Variants in CPB2 observed in about 807,000 individuals in gnomAD.
The protein encoded by CPB2 is carboxypeptidase B-like protein.
CPB2 carries 54 observed loss-of-function variants against 57.0 expected under a neutral mutation model. That is an observed-to-expected ratio of 0.95 (90% confidence interval 0.76 to 1.19). CPB2 has a LOEUF of 1.19. Among genes scored for constraint, CPB2 ranks in the 50% most tolerant of loss-of-function variants. The pLI is 0.00. For missense variants in CPB2, 426 were observed against 512.0 expected, an observed-to-expected ratio of 0.83 and a Z score of 1.62; for synonymous variants, 189 against 178.1, an observed-to-expected ratio of 1.06 and a Z score of -0.49.
Position 46,053,670 on chromosome 13 carries a change from T to A in CPB2, c.1216A>T (p.Arg406Ter), listed in dbSNP as rs1225402924. 2 of 1,614,092 alleles carry A rather than the reference T, an allele frequency of 1.2e-6. No individual in the cohort carries two copies. ...LPERYIKPTC[R>*]EAFAAVSKIA... ...TTAGAGACAGCGGCAAAAGCTTCTC[T>A]ACAGGTGGGTTTGATGTAACGCTCC... The change falls in exon 11 of 11, where the codon AGA becomes TGA. Residue 406 changes from arginine to a stop codon, truncating the protein, a stop_gained. Transcript: ENST00000181383. LOFTEE classifies it high-confidence loss of function.
chr13:46,091,582 A>G (rs745858814), intron 1 of CPB2, among the ~76,000 whole-genome samples: 22 of 152,220 alleles, frequency 1.4e-4, no homozygotes, highest in Admixed American at 1.3e-3. Flanking sequence ...AATGCTTTCT[A>G]TAAGATGAGC....
chr13:46,095,956 A>C lies in CPB2; in HGVS notation c.75-8136T>G, dbSNP rs1199979935. Among the ~76,000 whole-genome samples, 10 of 139,888 alleles carry C rather than the reference A, an allele frequency of 7.1e-5. No homozygotes were observed. The Admixed American group carries it at 7.3e-4, about 10-fold the overall frequency. 91.8% of individuals were successfully genotyped at this position (139,888 alleles called of 152,430 possible). A position where few individuals can be genotyped will look rare whatever the true frequency, so the allele number is the denominator to read the frequency against. On this transcript the variant is annotated intron_variant, in intron 1 of 10. Transcript: ENST00000181383. The stretch of plus-strand genomic sequence containing the variant: ...GAGTGCAATGGAGCAATCTTGGCTC[A>C]CTACAATTCTGCCTCGTGGGTTCAA...
At chr13:46,070,002 C>A (rs974307301) in intron 6 of CPB2, among the ~76,000 whole-genome samples, 1 of 152,170 alleles carries the variant, frequency 6.6e-6, no homozygotes. Context: ...TAACTGAAAT[C>A]CTGTCCTACT....
intron 8 of CPB2, among the ~76,000 whole-genome samples, chr13:46,059,061 T>A (rs1126365): frequency 0.79 from 119,859 of 152,206 alleles, 47,547 homozygotes; most frequent in African/African-American, 0.87. Context: ...GGCTCAGGAT[T>A]GGGTCTGACT....
At chr13:46,059,045 G>A (rs1379032058) in intron 8 of CPB2, among the ~76,000 whole-genome samples, 1 of 152,206 alleles carries the variant, frequency 6.6e-6, no homozygotes, top group African/African-American at 2.4e-5. Flanking sequence ...CCTGCAAACA[G>A]TTGAGGGCTC....
chr13:46,064,095 T>TA (rs765592639), intron 8 of CPB2, among the ~76,000 whole-genome samples: 138 of 151,338 alleles, frequency 9.1e-4, no homozygotes, highest in Middle Eastern at 6.8e-3. Context: ...CCATCTGTAC[T>TA]AAAAAAAATA....
At chr13:46,084,830 A>T (rs2045175483) in intron 2 of CPB2, among the ~76,000 whole-genome samples, 1 of 150,332 alleles carries the variant, frequency 6.7e-6, no homozygotes, top group Non-Finnish European at 1.5e-5. Context: ...TGTGCTTTTT[A>T]TTTATTTATT....
chr13:46,062,517 A>G (rs4942470), intron 8 of CPB2, among the ~76,000 whole-genome samples: 121,287 of 152,140 alleles, frequency 0.8, 48,676 homozygotes, highest in African/African-American at 0.88. Context: ...TATTAGTGCC[A>G]CAGCAAACTT....
At chr13:46,069,426 A>G (rs7993537) in intron 6 of CPB2, among the ~76,000 whole-genome samples, 52,251 of 152,014 alleles carry the variant, frequency 0.34, 9,213 homozygotes, top group African/African-American at 0.39. Flanking sequence ...ACCATCACTA[A>G]TATCTGATTT....
chr13:46,080,447 A>G (rs1040203436), intron 4 of CPB2, among the ~76,000 whole-genome samples: 1 of 152,224 alleles, frequency 6.6e-6, no homozygotes, highest in Non-Finnish European at 1.5e-5. Context: ...ATTTTCTATA[A>G]TGTCATAGTT....
At chr13:46,084,840 T>A (rs2045175648) in intron 2 of CPB2, among the ~76,000 whole-genome samples, 2 of 151,224 alleles carry the variant, frequency 1.3e-5, no homozygotes, top group East Asian at 3.9e-4. Context: ...ATTTATTTAT[T>A]TATTTATTTT....
chr13:46,082,906 A>G (rs897068740), intron 3 of CPB2, among the ~76,000 whole-genome samples: 1 of 151,666 alleles, frequency 6.6e-6, no homozygotes, highest in African/African-American at 2.4e-5. Context: ...CTAACACTGT[A>G]TTATGCTGTT....
At chr13:46,053,862 T>C (rs1160937300) in intron 10 of CPB2, 64 bp from the exon 11 acceptor site, 1 of 1,482,778 alleles carries the variant, frequency 6.7e-7, no homozygotes, top group African/African-American at 1.4e-5. Flanking sequence ...AAACTGGGAA[T>C]TGTTTGATTT....
At chr13:46,083,197 C>T (rs189471684) in intron 3 of CPB2, among the ~76,000 whole-genome samples, 7 of 152,056 alleles carry the variant, frequency 4.6e-5, no homozygotes, top group Admixed American at 3.3e-4. Context: ...TTATTTAGGC[C>T]AATAAATAAA....
chr13:46,091,640 A>C (rs1312337671), intron 1 of CPB2, among the ~76,000 whole-genome samples: 2 of 152,222 alleles, frequency 1.3e-5, no homozygotes, highest in African/African-American at 4.8e-5. Flanking sequence ...TTATATCAAT[A>C]GATTGTTTAA....
intron 5 of CPB2, among the ~76,000 whole-genome samples, chr13:46,076,917 A>G (rs552696465): frequency 2.0e-5 from 3 of 152,290 alleles, no homozygotes; most frequent in East Asian, 1.9e-4. Flanking sequence ...CTCGCCTTAT[A>G]TATAAAATCA....
intron 6 of CPB2, among the ~76,000 whole-genome samples, chr13:46,068,729 C>A (rs9562634): frequency 0.36 from 50,352 of 140,618 alleles, 8,752 homozygotes; most frequent in African/African-American, 0.41. Context: ...GTGTGATGTT[C>A]CCCTCCCTGT....
At chr13:46,084,588 T>C (rs189757751) in intron 2 of CPB2, among the ~76,000 whole-genome samples, 147 of 152,244 alleles carry the variant, frequency 9.7e-4, no homozygotes, top group Non-Finnish European at 2.0e-3. Flanking sequence ...TACAAGATAA[T>C]CCATAAATAT....
intron 1 of CPB2, among the ~76,000 whole-genome samples, chr13:46,091,897 G>A (rs2045298536): frequency 6.6e-6 from 1 of 152,246 alleles, no homozygotes. Flanking sequence ...AAAGGAAGCA[G>A]TGAGGTGAGG....
Sources: gnomAD v4.1 joint callset for allele counts (sites outside exome capture counted in the v4.1 genomes callset) on GRCh38, gnomAD v4.1.1 for gene constraint, MANE v1.5 for transcripts, NCBI Gene and HGNC (gene_info 2026-07-23, HGNC 2026-07-21) for gene names.